The following GABRG3 variants were observed in gnomAD, a reference collection of about 807,000 sequenced individuals.
GABRG3 encodes gamma-aminobutyric acid type A receptor subunit gamma3.
GABRG3 carries 25 observed loss-of-function variants against 48.8 expected under a neutral mutation model. The observed-to-expected ratio is 0.51, with a 90% CI of 0.37 to 0.72. The LOEUF (loss-of-function observed/expected upper bound fraction) is 0.72, where lower values mean the gene tolerates loss of function less well. GABRG3 is among the 30% of genes least tolerant of loss of function. The probability of loss-of-function intolerance (pLI) is 0.00; values close to 1 mark genes in which losing one functional copy is unlikely to be tolerated. For synonymous variants in GABRG3, 227 were observed against 217.6 expected, an observed-to-expected ratio of 1.04 and a Z score of -0.38; for missense variants, 394 against 577.9, an observed-to-expected ratio of 0.68 and a Z score of 3.26.
rs1171963299 is a variant in GABRG3 at position 27,481,047 on chromosome 15, T to A, written c.712+260T>A. ...AACCTAGCTATAAACTTAACCTAAC[T>A]CATTACTGACCATATTTACATAAAC... On this transcript the variant is annotated intron_variant, in intron 6 of 9. Coordinates refer to ENST00000615808, the MANE Select transcript of GABRG3 (RefSeq NM_033223.5). The A allele has an allele frequency of 3.1e-6, 4 of 1,270,106 alleles. No homozygotes were observed. The East Asian group carries it at 1.2e-4, about 37-fold the overall frequency. 78.7% of individuals were successfully genotyped at this position (1,270,106 alleles called of 1,614,324 possible). A position where few individuals can be genotyped will look rare whatever the true frequency, so the allele number is the denominator to read the frequency against.
At chr15:27,227,317 C>G (rs1253057131) in intron 3 of GABRG3, among the ~76,000 whole-genome samples, 2 of 151,986 alleles carry the variant, frequency 1.3e-5, no homozygotes, top group Non-Finnish European at 1.5e-5. Flanking sequence ...ATGGCGAAAC[C>G]CTGTCTCCTC....
chr15:27,308,418 G>A (rs555892739), intron 3 of GABRG3, among the ~76,000 whole-genome samples: 23 of 144,684 alleles, frequency 1.6e-4, no homozygotes, highest in South Asian at 1.6e-3. Context: ...ATATAAACAT[G>A]TAATGTAAAC....
intron 3 of GABRG3, among the ~76,000 whole-genome samples, chr15:27,055,189 C>G (rs1204765374): frequency 6.6e-6 from 1 of 152,074 alleles, no homozygotes; most frequent in African/African-American, 2.4e-5. Flanking sequence ...GCGTCCCGCA[C>G]CGGAGCAGCC....
chr15:27,048,369 C>T (rs1896400505), intron 3 of GABRG3, among the ~76,000 whole-genome samples: 1 of 152,130 alleles, frequency 6.6e-6, no homozygotes, highest in African/African-American at 2.4e-5. Context: ...CGGCTGACCT[C>T]ACAAGCAGAC....
At chr15:27,100,183 A>C (rs1595524907) in intron 3 of GABRG3, among the ~76,000 whole-genome samples, 2 of 149,742 alleles carry the variant, frequency 1.3e-5, no homozygotes, top group Non-Finnish European at 3.0e-5. Context: ...GTGCCACTGC[A>C]CTCCAGCCTG....
chr15:27,502,504 A>T (rs1475643708), intron 6 of GABRG3, among the ~76,000 whole-genome samples: 1 of 152,092 alleles, frequency 6.6e-6, no homozygotes, highest in East Asian at 1.9e-4. Flanking sequence ...GAAGTGTGCA[A>T]TCAGTTCTGC....
intron 3 of GABRG3, among the ~76,000 whole-genome samples, chr15:27,057,258 T>G (rs1896564702): frequency 6.6e-6 from 1 of 152,152 alleles, no homozygotes. Flanking sequence ...GGCTGACAAC[T>G]TCAATAAAGA....
chr15:27,309,061 T>C (rs1566775618), intron 3 of GABRG3, among the ~76,000 whole-genome samples: 1 of 150,642 alleles, frequency 6.6e-6, no homozygotes, highest in African/African-American at 2.4e-5. Flanking sequence ...TAGAAACACA[T>C]ATAATGTAAA....
rs570293276 is a variant in GABRG3, at chr15:27,211,542, G to T, written c.271-115267G>T. 7.9e-5 allele frequency among the ~76,000 whole-genome samples: 12 copies of T among 152,316 alleles called. 1 individual carries two copies. In the South Asian group the frequency reaches 2.5e-3, roughly 32 times the overall value. ...AATTAAGTTTGAGGACTATTGCTCT[G>T]CAGCTATACACAGATACATTGCAAA... On this transcript the variant is annotated intron_variant, in intron 3 of 9. Coordinates refer to ENST00000615808, the MANE Select transcript of GABRG3 (RefSeq NM_033223.5).
intron 3 of GABRG3, among the ~76,000 whole-genome samples, chr15:27,214,342 C>A (rs1038360873): frequency 6.6e-6 from 1 of 152,210 alleles, no homozygotes; most frequent in African/African-American, 2.4e-5. Flanking sequence ...CCTGTAATGG[C>A]CATGATGGCC....
At chr15:27,220,789 A>C (rs2140440605) in intron 3 of GABRG3, among the ~76,000 whole-genome samples, 1 of 152,286 alleles carries the variant, frequency 6.6e-6, no homozygotes, top group South Asian at 2.1e-4. Context: ...GAAGGGACTC[A>C]GAACTTGAGG....
chr15:27,309,145 A>G (rs1420955092), intron 3 of GABRG3, among the ~76,000 whole-genome samples: 1 of 106,704 alleles, frequency 9.4e-6, no homozygotes, highest in Non-Finnish European at 2.4e-5. Flanking sequence ...AGATGTTTAT[A>G]TAGAAACACA....
chr15:26,995,994 GTTA>G, intron 2 of GABRG3, among the ~76,000 whole-genome samples: 1 of 151,928 alleles, frequency 6.6e-6, no homozygotes, highest in Middle Eastern at 3.4e-3. Flanking sequence ...TCCTTGTGCC[GTTA>G]TTATTAAATA....
At chr15:27,333,732 C>T (rs557201415) in intron 5 of GABRG3, among the ~76,000 whole-genome samples, 13 of 152,208 alleles carry the variant, frequency 8.5e-5, no homozygotes, top group Non-Finnish European at 1.9e-4. Context: ...ACCTGGGAAC[C>T]TGCCTGGTCG....
chr15:27,326,438 C>G (rs763724003), intron 3 of GABRG3, among the ~76,000 whole-genome samples: 108 of 152,170 alleles, frequency 7.1e-4, no homozygotes, highest in Non-Finnish European at 1.3e-3. Context: ...TATTATGTTC[C>G]CCATTTTATA....
chr15:27,344,340 A>C (rs1425450174), intron 5 of GABRG3, among the ~76,000 whole-genome samples: 2 of 152,134 alleles, frequency 1.3e-5, no homozygotes, highest in African/African-American at 4.8e-5. Context: ...ACCTGTTTTT[A>C]TTTTTGTCTC....
chr15:27,393,322 T>C (rs369522084), intron 5 of GABRG3, among the ~76,000 whole-genome samples: 199 of 138,442 alleles, frequency 1.4e-3, no homozygotes, highest in African/African-American at 3.9e-3. Context: ...CCAGCCTGGG[T>C]GACAGAGCGA....
At chr15:27,150,214 A>AT (rs1566947908) in intron 3 of GABRG3, among the ~76,000 whole-genome samples, 5 of 152,098 alleles carry the variant, frequency 3.3e-5, no homozygotes. Context: ...AAAGTGATAT[A>AT]TTTTTAAATA....
At chr15:27,043,265 A>G (rs1017123338) in intron 3 of GABRG3, among the ~76,000 whole-genome samples, 5 of 152,194 alleles carry the variant, frequency 3.3e-5, no homozygotes, top group African/African-American at 1.2e-4. Context: ...TTTGATGTAA[A>G]TATTGTATTT....
Sources: gnomAD v4.1 joint callset for allele counts (sites outside exome capture counted in the v4.1 genomes callset) on GRCh38, gnomAD v4.1.1 for gene constraint, MANE v1.5 for transcripts, NCBI Gene and HGNC (gene_info 2026-07-23, HGNC 2026-07-21) for gene names.